The following FGGY variants were observed in gnomAD, a reference collection of about 807,000 sequenced individuals.
The protein encoded by FGGY is FGGY carbohydrate kinase domain containing.
Under a neutral mutation model 71.3 loss-of-function variants are expected in FGGY, and 72 were observed. The observed-to-expected ratio is 1.01, with a 90% CI of 0.84 to 1.23. FGGY has a LOEUF of 1.23. Among genes scored for constraint, FGGY ranks in the 50% most tolerant of loss-of-function variants. The probability of loss-of-function intolerance (pLI) is 0.00; values close to 1 mark genes in which losing one functional copy is unlikely to be tolerated. For missense variants in FGGY, 668 were observed against 682.3 expected (o/e 0.98, Z 0.23); for synonymous variants, 251 against 250.3 (o/e 1.00, Z -0.02).
chr1:59,360,486 G>A (rs1003057562), intron 4 of FGGY, among the ~76,000 whole-genome samples: 5 of 152,244 alleles, frequency 3.3e-5, no homozygotes, highest in African/African-American at 1.2e-4. Flanking sequence ...TGAGTTTTGG[G>A]GTTCAAGTGG....
chr1:59,653,124 C>A (rs1001292994), intron 11 of FGGY, among the ~76,000 whole-genome samples: 1 of 152,218 alleles, frequency 6.6e-6, no homozygotes, highest in South Asian at 2.1e-4. Context: ...AGATCTCCAG[C>A]TGCGTGCTGG....
At chr1:59,534,368 A>T (rs1313076588) in intron 7 of FGGY, among the ~76,000 whole-genome samples, 1 of 152,196 alleles carries the variant, frequency 6.6e-6, no homozygotes, top group African/African-American at 2.4e-5. Context: ...GTGTACCTGA[A>T]AGTGACGGGG....
chr1:59,710,920 A>G (rs1306696227), intron 14 of FGGY, among the ~76,000 whole-genome samples: 1 of 152,208 alleles, frequency 6.6e-6, no homozygotes, highest in Non-Finnish European at 1.5e-5. Flanking sequence ...ATACCATTTG[A>G]CCCAGCAATC....
chr1:59,516,314 C>A (rs2094650206), intron 7 of FGGY, among the ~76,000 whole-genome samples: 1 of 152,142 alleles, frequency 6.6e-6, no homozygotes, highest in Non-Finnish European at 1.5e-5. Flanking sequence ...GTGAATGCAA[C>A]CTGTCAGTGA....
chr1:59,394,663 A>G (rs991239044), intron 5 of FGGY, among the ~76,000 whole-genome samples: 7 of 152,202 alleles, frequency 4.6e-5, no homozygotes, highest in African/African-American at 1.7e-4. Context: ...ATTGTCTACC[A>G]TTAAAATATT....
chr1:59,581,628 G>A (rs1348735954), intron 8 of FGGY, among the ~76,000 whole-genome samples: 1 of 150,118 alleles, frequency 6.7e-6, no homozygotes, highest in Non-Finnish European at 1.5e-5. Flanking sequence ...ATATTGAGCT[G>A]CAGTCTACCC....
chr1:59,666,254 G>C (rs147999582), intron 12 of FGGY, among the ~76,000 whole-genome samples: 1 of 152,030 alleles, frequency 6.6e-6, no homozygotes, highest in South Asian at 2.1e-4. Flanking sequence ...CATCTCCCCA[G>C]ATTGCTCAAT....
intron 5 of FGGY, among the ~76,000 whole-genome samples, chr1:59,408,147 C>G (rs1313117984): frequency 1.3e-5 from 2 of 152,178 alleles, no homozygotes; most frequent in Non-Finnish European, 2.9e-5. Context: ...GCTTTGCCAC[C>G]TGCAAGCTGT....
chr1:59,311,991 C>T (rs1292118305), intron 1 of FGGY, among the ~76,000 whole-genome samples: 1 of 152,218 alleles, frequency 6.6e-6, no homozygotes, highest in African/African-American at 2.4e-5. Context: ...TTGCATTTCT[C>T]TAATGATCAG....
intron 2 of FGGY, among the ~76,000 whole-genome samples, chr1:59,322,747 C>T (rs920175575): frequency 6.6e-6 from 1 of 152,160 alleles, no homozygotes; most frequent in African/African-American, 2.4e-5. Flanking sequence ...CAATGCTTCA[C>T]AATTCTTGTT....
chr1:59,714,651 CAG>C (rs1558883232), intron 14 of FGGY, among the ~76,000 whole-genome samples: 2 of 152,024 alleles, frequency 1.3e-5, no homozygotes, highest in African/African-American at 4.8e-5. Context: ...GCTACAGTAC[CAG>C]AGAGTCCCCC....
intron 11 of FGGY, among the ~76,000 whole-genome samples, chr1:59,644,644 T>G (rs143154248): frequency 2.6e-5 from 4 of 151,498 alleles, no homozygotes; most frequent in Non-Finnish European, 5.9e-5. Flanking sequence ...GAAAAATGCT[T>G]ACTTTTAAAG....
At chr1:59,719,326 C>T (rs2097867883) in intron 14 of FGGY, among the ~76,000 whole-genome samples, 3 of 152,146 alleles carry the variant, frequency 2.0e-5, no homozygotes, top group Non-Finnish European at 4.4e-5. Context: ...CCTCTGGAAT[C>T]AGAAGGATAT....
intron 5 of FGGY, among the ~76,000 whole-genome samples, chr1:59,379,300 T>C (rs1310517141): frequency 1.3e-5 from 2 of 152,150 alleles, no homozygotes; most frequent in African/African-American, 4.8e-5. Context: ...ATCTAGATAG[T>C]GTATTCTACT....
intron 7 of FGGY, among the ~76,000 whole-genome samples, chr1:59,546,492 GGAT>G (rs371455666): frequency 0.057 from 6,603 of 115,260 alleles, 320 homozygotes; most frequent in East Asian, 0.16. Flanking sequence ...TTAAAGCATA[GGAT>G]GATGATGATG....
At chr1:59,485,901 A>G (rs550355722) in intron 6 of FGGY, among the ~76,000 whole-genome samples, 10 of 152,310 alleles carry the variant, frequency 6.6e-5, no homozygotes, top group Admixed American at 2.6e-4. Context: ...TCTTCAGTCT[A>G]TCTCTTAAAC....
intron 14 of FGGY, chr1:59,698,882 A>G (rs774319622): frequency 6.5e-5 from 64 of 985,304 alleles, no homozygotes; most frequent in Admixed American, 4.3e-4. Flanking sequence ...TGAATTGTAC[A>G]TGTCGTATGT....
rs548547043 is a variant in FGGY, at chr1:59,380,796, A to T, written c.554+1959A>T. 2.4e-3 allele frequency among the ~76,000 whole-genome samples: 360 copies of T among 151,584 alleles called. 15 individuals carry two copies. Among genetic ancestry groups the T allele is most frequent in the African/African-American group, 8.1e-3 (333 of 40,890 alleles). ...TGCTGTCCAGAAGCTCTTTAGTTTA[A>T]TGAGATCCCATTTGTCAATTTTGGC... On this transcript the variant is annotated intron_variant, in intron 5 of 15. Coordinates refer to ENST00000303721, the MANE Select transcript of FGGY (RefSeq NM_018291.5).
At chr1:59,688,186 G>T (rs183292135) in intron 14 of FGGY, among the ~76,000 whole-genome samples, 12 of 152,216 alleles carry the variant, frequency 7.9e-5, no homozygotes, top group Admixed American at 2.0e-4. Flanking sequence ...CTAGTCAGAA[G>T]GAATAGGAAC....
Sources: gnomAD v4.1 joint callset for allele counts (sites outside exome capture counted in the v4.1 genomes callset) on GRCh38, gnomAD v4.1.1 for gene constraint, MANE v1.5 for transcripts, NCBI Gene and HGNC (gene_info 2026-07-23, HGNC 2026-07-21) for gene names.